Variants in ULK4 observed in about 807,000 individuals in gnomAD.
The protein encoded by ULK4 is inactive serine/threonine-protein kinase ULK4.
A neutral mutation model predicts 160.6 loss-of-function variants in ULK4; 133 were observed. The observed-to-expected ratio is 0.83, with a 90% CI of 0.72 to 0.96. ULK4 has a LOEUF of 0.96. Among genes scored for constraint, ULK4 ranks in the 40% least tolerant of loss-of-function variants. ULK4 has a pLI of 0.00. For synonymous variants in ULK4, 534 were observed against 539.8 expected, an observed-to-expected ratio of 0.99 and a Z score of 0.15; for missense variants, 1,580 against 1,499.5, an observed-to-expected ratio of 1.05 and a Z score of -0.89.
chr3:41,951,940 C>T (rs538697330), intron 2 of ULK4, among the ~76,000 whole-genome samples: 96 of 152,218 alleles, frequency 6.3e-4, no homozygotes, highest in African/African-American at 2.2e-3. Flanking sequence ...ACTTCCCAGC[C>T]CCAAGAACTG....
In ULK4 at chr3:41,534,102, G is replaced by T. The variant is rs371165844; in HGVS notation, c.3226+31923C>A. ...ATTACAGGCGTGAGCCACCTTGCTCGGCCGAAAGTACACTTTCTTTATTCT... is the reference window on the plus strand; with the variant it reads ...ATTACAGGCGTGAGCCACCTTGCTCTGCCGAAAGTACACTTTCTTTATTCT... On this transcript the variant is annotated intron_variant, in intron 32 of 36. Transcript: ENST00000301831. Among the ~76,000 whole-genome samples, 3 of 152,316 alleles carry T rather than the reference G, an allele frequency of 2.0e-5. No homozygotes were observed. In the East Asian group the frequency reaches 5.8e-4, roughly 29 times the overall value.
chr3:41,814,428 C>G (rs1360937193), intron 19 of ULK4, among the ~76,000 whole-genome samples: 1 of 151,970 alleles, frequency 6.6e-6, no homozygotes, highest in Non-Finnish European at 1.5e-5. Flanking sequence ...TGAGATTTTC[C>G]TTATGGCTCA....
intron 30 of ULK4, among the ~76,000 whole-genome samples, chr3:41,653,095 G>A (rs2034805234): frequency 6.6e-6 from 1 of 151,428 alleles, no homozygotes; most frequent in Non-Finnish European, 1.5e-5. Context: ...CCTAGAGACA[G>A]CAAAGAACTA....
chr3:41,605,868 T>G (rs994741361), intron 31 of ULK4, among the ~76,000 whole-genome samples: 1 of 152,038 alleles, frequency 6.6e-6, no homozygotes, highest in Non-Finnish European at 1.5e-5. Flanking sequence ...AAAACAAGTC[T>G]GAAGAAATTG....
intron 16 of ULK4, among the ~76,000 whole-genome samples, chr3:41,887,761 C>T (rs1277818002): frequency 9.9e-6 from 1 of 100,578 alleles, no homozygotes; most frequent in Non-Finnish European, 2.2e-5. Context: ...GTGGAGGTTG[C>T]AGTGAGCCAA....
At chr3:41,499,192 G>A (rs185725650) in intron 32 of ULK4, among the ~76,000 whole-genome samples, 108 of 152,186 alleles carry the variant, frequency 7.1e-4, no homozygotes, top group African/African-American at 2.3e-3. Flanking sequence ...TATTTTTATT[G>A]AGCTAGGAAT....
chr3:41,717,950 G>A, intron 22 of ULK4, 89 bp from the exon 23 acceptor site: 1 of 1,469,926 alleles, frequency 6.8e-7, no homozygotes. Context: ...AGTGTTTCCA[G>A]AGGGCACCCT....
intron 34 of ULK4, among the ~76,000 whole-genome samples, chr3:41,409,906 G>C (rs968373780): frequency 2.0e-5 from 3 of 151,544 alleles, no homozygotes; most frequent in Non-Finnish European, 4.4e-5. Context: ...CAGAGATCAC[G>C]CCACTGTACT....
chr3:41,567,443 ATTTTTT>A (rs71288055), intron 31 of ULK4, among the ~76,000 whole-genome samples: 2 of 90,312 alleles, frequency 2.2e-5, no homozygotes, highest in African/African-American at 4.5e-5. Flanking sequence ...CACTTAACAG[ATTTTTT>A]TTTTTTTTTT....
intron 32 of ULK4, among the ~76,000 whole-genome samples, chr3:41,536,186 T>C (rs1559376094): frequency 6.6e-6 from 1 of 152,148 alleles, no homozygotes; most frequent in Non-Finnish European, 1.5e-5. Context: ...TCCTTTTACC[T>C]TCCCAGTCTA....
intron 35 of ULK4, among the ~76,000 whole-genome samples, chr3:41,357,668 C>T (rs766674154): frequency 3.3e-5 from 5 of 152,106 alleles, no homozygotes; most frequent in Non-Finnish European, 7.3e-5. Flanking sequence ...ACATGTTTGT[C>T]GAACACATTC....
chr3:41,771,795 A>C (rs2039389852), intron 21 of ULK4, among the ~76,000 whole-genome samples: 1 of 152,250 alleles, frequency 6.6e-6, no homozygotes, highest in Non-Finnish European at 1.5e-5. Flanking sequence ...TACATATATA[A>C]TACCAATCCT....
chr3:41,349,612 C>G (rs557880477), intron 35 of ULK4, among the ~76,000 whole-genome samples: 63 of 152,234 alleles, frequency 4.1e-4, no homozygotes, highest in Non-Finnish European at 7.9e-4. Flanking sequence ...TAATAAAAAA[C>G]AGTTTCTAAA....
intron 17 of ULK4, among the ~76,000 whole-genome samples, chr3:41,843,979 A>T (rs1257483060): frequency 6.6e-6 from 1 of 152,058 alleles, no homozygotes; most frequent in African/African-American, 2.4e-5. Context: ...CTAGATACAG[A>T]GTGTCCATTG....
At chr3:41,825,607 A>G (rs2041318492) in intron 18 of ULK4, among the ~76,000 whole-genome samples, 1 of 152,138 alleles carries the variant, frequency 6.6e-6, no homozygotes. Context: ...AGAGAAGTTT[A>G]AACAAAAAAT....
At chr3:41,593,075 C>T (rs1053809961) in intron 31 of ULK4, among the ~76,000 whole-genome samples, 2 of 152,116 alleles carry the variant, frequency 1.3e-5, no homozygotes, top group African/African-American at 4.8e-5. Context: ...TCCCTAACTC[C>T]CCTTATATTT....
At chr3:41,331,344 C>T (rs1019710572) in intron 35 of ULK4, among the ~76,000 whole-genome samples, 31 of 152,268 alleles carry the variant, frequency 2.0e-4, no homozygotes, top group African/African-American at 6.5e-4. Context: ...CTAAGGTTCT[C>T]GACAGCTAAT....
At chr3:41,831,025 T>TTTA (rs1289907350) in intron 18 of ULK4, among the ~76,000 whole-genome samples, 4 of 151,522 alleles carry the variant, frequency 2.6e-5, no homozygotes, top group African/African-American at 9.7e-5. Context: ...TATTTATTTA[T>TTTA]TTATTTATTG....
chr3:41,398,553 A>ATTTT (rs11321558), intron 34 of ULK4, among the ~76,000 whole-genome samples: 3 of 130,644 alleles, frequency 2.3e-5, no homozygotes, highest in Non-Finnish European at 3.2e-5. Flanking sequence ...TGCCCAGCTA[A>ATTTT]TTTTTTTTTT....
Sources: allele counts gnomAD v4.1 joint callset (sites outside exome capture counted in the v4.1 genomes callset), GRCh38; gene constraint gnomAD v4.1.1; transcripts MANE v1.5; gene names NCBI Gene and HGNC (gene_info 2026-07-23, HGNC 2026-07-21).